Variants in ARHGAP39 observed in about 807,000 individuals in gnomAD.
ARHGAP39 encodes Rho GTPase activating protein 39, also known as rho GTPase-activating protein 39.
A neutral mutation model predicts 106.9 loss-of-function variants in ARHGAP39; 44 were observed. The observed-to-expected ratio is 0.41, with a 90% CI of 0.32 to 0.53. The LOEUF (loss-of-function observed/expected upper bound fraction) is 0.53, where lower values mean the gene tolerates loss of function less well. ARHGAP39 is among the 20% of genes least tolerant of loss of function. The pLI is 0.21. For synonymous variants in ARHGAP39, 768 were observed against 693.2 expected, an observed-to-expected ratio of 1.11 and a Z score of -1.69; for missense variants, 1,496 against 1,577.3, an observed-to-expected ratio of 0.95 and a Z score of 0.87.
chr8:144,653,980 G>A (rs551252692), intron 1 of ARHGAP39, among the ~76,000 whole-genome samples: 15 of 152,328 alleles, frequency 9.8e-5, no homozygotes, highest in South Asian at 4.1e-4. Context: ...GAGCCGCGCC[G>A]TCTGCACGTG....
At chr8:144,610,184 T>A (rs1820439336) in intron 1 of ARHGAP39, among the ~76,000 whole-genome samples, 1 of 152,236 alleles carries the variant, frequency 6.6e-6, no homozygotes, top group African/African-American at 2.4e-5. Flanking sequence ...ACATCTTTCA[T>A]TTTTGACATT....
Position 144,530,409 on chromosome 8 carries a change from C to T in ARHGAP39, c.*13G>A. The stretch of plus-strand genomic sequence containing the variant: ...GGGCGGCAGGACATCCCTCCTGTCC[C>T]CGGGCGCCCCCGCTACAGCACACCC... On this transcript the variant is annotated 3_prime_UTR_variant, in exon 12 of 12. Coordinates refer to ENST00000377307, the MANE Select transcript of ARHGAP39 (RefSeq NM_025251.3). 1.9e-6 allele frequency: 3 copies of T among 1,583,336 alleles called. No individual in the cohort carries two copies. Among genetic ancestry groups the T allele is most frequent in the Non-Finnish European group, 2.6e-6 (3 of 1,162,106 alleles).
chr8:144,589,368 G>A (rs1819304609), intron 2 of ARHGAP39, among the ~76,000 whole-genome samples: 2 of 152,230 alleles, frequency 1.3e-5, no homozygotes, highest in South Asian at 4.1e-4. Context: ...GGCCTACCCT[G>A]GGGCAGGGAG....
Position 144,580,912 on chromosome 8 carries a change from G to C in ARHGAP39, c.446C>G (p.Ala149Gly), listed in dbSNP as rs1818956315. The C allele has an allele frequency of 6.2e-7, 1 of 1,604,570 alleles. No individual in the cohort carries two copies. The highest frequency in any genetic ancestry group is 8.5e-7 in the Non-Finnish European group (1 of 1,178,330). Residue 149 changes from alanine to glycine, a missense_variant, in exon 3 of 12, where the codon GCG becomes GGG. Around this residue, in one of 4 missense-constraint regions of ARHGAP39, gnomAD observed 905 missense variants for 816.4 expected, o/e 1.11. Coordinates refer to ENST00000377307, the MANE Select transcript of ARHGAP39 (RefSeq NM_025251.3). ...CCCGGCCCTCGCTGGCAACTCCTGC[G>C]CTTTCTCAGTGTCGGGCTCGGGCTC... is the stretch of plus-strand genomic sequence containing the variant. Reference protein sequence around the residue: ...SLEPEPDTEKAQELPARAGRP... With the variant: ...SLEPEPDTEKGQELPARAGRP...
the ARHGAP39 span, chr8:144,699,207 G>C: frequency 2.7e-5 from 5 of 187,530 alleles, no homozygotes; most frequent in Non-Finnish European, 1.0e-5. Flanking sequence ...CTGAAGGTGG[G>C]GGCGCTATGG....
chr8:144,680,722 A>G (rs1448962917), intron 1 of ARHGAP39, among the ~76,000 whole-genome samples: 1 of 152,202 alleles, frequency 6.6e-6, no homozygotes, highest in East Asian at 1.9e-4. Flanking sequence ...AACTCAAAAG[A>G]AAAGGAGGGG....
chr8:144,549,035 A>G (rs189379180), intron 4 of ARHGAP39, among the ~76,000 whole-genome samples: 1 of 152,324 alleles, frequency 6.6e-6, no homozygotes, highest in Admixed American at 6.5e-5. Flanking sequence ...CAACAGCTGC[A>G]GGTGTCCCAC....
chr8:144,547,398 G>A lies in ARHGAP39; in HGVS notation c.1688C>T (p.Ala563Val), dbSNP rs1324864408. Residue 563 changes from alanine (A) to valine (V), a missense_variant, in exon 5 of 12, where the codon GCG becomes GTG. Transcript: ENST00000377307. This position sits in a 1 kb window ranked among gnomAD's most constrained non-coding sequence, Gnocchi z 5.2. ...CTTCATGTGGAAGTGGGCCTGCTGC[G>A]CCTCCCAGGCCAGCCGAGCCTGCGC... ...FLAQARLAWE[A>V]QQAHFHMKQR... 3.8e-6 allele frequency: 6 copies of A among 1,591,568 alleles called. No individual in the cohort carries two copies. Among genetic ancestry groups the A allele is most frequent in the African/African-American group, 2.7e-5 (2 of 74,812 alleles).
chr8:144,652,858 C>T (rs1386547755), intron 1 of ARHGAP39, among the ~76,000 whole-genome samples: 1 of 151,742 alleles, frequency 6.6e-6, no homozygotes, highest in Non-Finnish European at 1.5e-5. Flanking sequence ...ACAACAAACC[C>T]CCGTGACATG....
At chr8:144,554,338 A>G (rs1173811458) in intron 4 of ARHGAP39, among the ~76,000 whole-genome samples, 1 of 152,204 alleles carries the variant, frequency 6.6e-6, no homozygotes, top group Non-Finnish European at 1.5e-5. Context: ...ACATCCCCAG[A>G]GAGGCCAGAA....
chr8:144,548,566 A>G lies in ARHGAP39; in HGVS notation c.597-77T>C. 6.6e-7 allele frequency: 1 copy of G among 1,515,476 alleles called. No homozygotes were observed. Among genetic ancestry groups the G allele is most frequent in the Non-Finnish European group, 8.8e-7 (1 of 1,133,822 alleles). The allele number at this position is 1,515,476 out of a possible 1,614,324, so 93.9% of individuals were successfully genotyped here. Reference sequence around the variant, plus strand: ...CACGCCCCACCCCCTCGGGGGCTGTAGGCAGCGGCTCCCGCGAACCCTCTG... The same window carrying G: ...CACGCCCCACCCCCTCGGGGGCTGTGGGCAGCGGCTCCCGCGAACCCTCTG... On this transcript the variant is annotated intron_variant, in intron 4 of 11. Transcript: ENST00000377307. The surrounding 1 kb of genome is among the most constrained non-coding windows in gnomAD (Gnocchi z 7.4).
rs1564845449 is a variant in ARHGAP39, at chr8:144,555,661, GA to G, written c.513-19del. 2 of 1,603,594 alleles carry G rather than the reference GA, an allele frequency of 1.2e-6. No individual in the cohort carries two copies. Among genetic ancestry groups the G allele is most frequent in the Non-Finnish European group, 1.7e-6 (2 of 1,171,378 alleles). On this transcript the variant is annotated intron_variant, in intron 3 of 11. Transcript: ENST00000377307. ...GTGAAGAGCTGAAACACAGTAAAATGAAAGAAATATGAATATAAGTGCAATC... is the reference window on the plus strand; with the variant it reads ...GTGAAGAGCTGAAACACAGTAAAATGAAGAAATATGAATATAAGTGCAATC...
intron 3 of ARHGAP39, among the ~76,000 whole-genome samples, chr8:144,572,999 T>G (rs112231300): frequency 0.069 from 10,462 of 152,066 alleles, 1,172 homozygotes; most frequent in African/African-American, 0.23. Context: ...GTCCCACTGT[T>G]GGTGGGACTG....
chr8:144,590,522 A>G (rs1819351499), intron 2 of ARHGAP39, among the ~76,000 whole-genome samples: 1 of 151,936 alleles, frequency 6.6e-6, no homozygotes, highest in East Asian at 1.9e-4. Flanking sequence ...CCTCCCCAGA[A>G]GCTGAGCAGA....
chr8:144,626,800 G>A (rs1237839027), intron 1 of ARHGAP39, among the ~76,000 whole-genome samples: 2 of 152,088 alleles, frequency 1.3e-5, no homozygotes, highest in Non-Finnish European at 2.9e-5. Context: ...TCCCCTCCTC[G>A]GCTAGAGACC....
Position 144,530,188 on chromosome 8 carries a change from G to A in ARHGAP39, c.*234C>T, listed in dbSNP as rs1816617707. The stretch of plus-strand genomic sequence containing the variant: ...CAGCGGAGGGCGAGGCGGTGCCCGC[G>A]GGAACTGGCCGTGAGGTGGGGGGCC... On this transcript the variant is annotated 3_prime_UTR_variant, in exon 12 of 12. Transcript: ENST00000377307. The A allele has an allele frequency of 3.7e-6, 2 of 539,138 alleles. No individual in the cohort carries two copies. The highest frequency in any genetic ancestry group is 3.3e-6 in the Non-Finnish European group (1 of 306,628). 33.4% of individuals were successfully genotyped at this position (539,138 alleles called of 1,614,324 possible). A position where few individuals can be genotyped will look rare whatever the true frequency, so the allele number is the denominator to read the frequency against.
rs546818749 is a variant in ARHGAP39 at position 144,607,599 on chromosome 8, A to G, written c.-81-1904T>C. On this transcript the variant is annotated intron_variant, in intron 1 of 11. Coordinates refer to ENST00000377307, the MANE Select transcript of ARHGAP39 (RefSeq NM_025251.3). ...CCCCCCAGGAGAGGCCATTCCATAG[A>G]TACTAGCTGTGCTAATTCAAGGGGA... Among the ~76,000 whole-genome samples, 20 of 152,198 alleles carry G rather than the reference A, an allele frequency of 1.3e-4. No homozygotes were observed. In the East Asian group the frequency reaches 3.5e-3, roughly 27 times the overall value.
At chr8:144,659,938 C>T (rs1821782842) in intron 1 of ARHGAP39, among the ~76,000 whole-genome samples, 1 of 152,206 alleles carries the variant, frequency 6.6e-6, no homozygotes, top group Admixed American at 6.5e-5. Flanking sequence ...CTCTACCCAA[C>T]CACCTCTCTC....
Position 144,548,119 on chromosome 8 carries a change from G to A in ARHGAP39, c.967C>T (p.Pro323Ser). Residue 323 changes from proline (P) to serine (S), a missense_variant, in exon 5 of 12, where the codon CCC (proline) becomes TCC (serine). By Grantham distance (74) the Pro-to-Ser change is moderately conservative. Around this residue, in one of 4 missense-constraint regions of ARHGAP39, gnomAD observed 905 missense variants for 816.4 expected, o/e 1.11. Transcript: ENST00000377307. The surrounding 1 kb of genome is among the most constrained non-coding windows in gnomAD (Gnocchi z 7.4). ...YEEPPVEYQAPIYDEPPMDVQ... is the reference protein window; with the variant it reads ...YEEPPVEYQASIYDEPPMDVQ... ...TCCATGGGGGGCTCATCGTAGATGGGGGCCTGGTACTCCACTGGGGGCTCC... is the reference window on the plus strand; with the variant it reads ...TCCATGGGGGGCTCATCGTAGATGGAGGCCTGGTACTCCACTGGGGGCTCC... 6.3e-7 allele frequency: 1 copy of A among 1,583,072 alleles called. No homozygotes were observed. Among genetic ancestry groups the A allele is most frequent in the Non-Finnish European group, 8.6e-7 (1 of 1,164,666 alleles).
Sources: allele counts gnomAD v4.1 joint callset (sites outside exome capture counted in the v4.1 genomes callset), GRCh38; gene constraint gnomAD v4.1.1; regional missense constraint gnomAD v4.1.1; non-coding constraint Gnocchi (gnomAD v3.1); transcripts MANE v1.5; gene names NCBI Gene and HGNC (gene_info 2026-07-23, HGNC 2026-07-21).